Variants in CDC14B observed in about 807,000 individuals in gnomAD.
CDC14B encodes the protein dual specificity protein phosphatase CDC14B.
A neutral mutation model predicts 64.2 loss-of-function variants in CDC14B; 22 were observed. The observed-to-expected ratio is 0.34, with a 90% CI of 0.24 to 0.49. The LOEUF (loss-of-function observed/expected upper bound fraction) is 0.49. Among genes scored for constraint, CDC14B ranks in the 20% least tolerant of loss-of-function variants. CDC14B has a pLI of 0.99. For synonymous variants in CDC14B, 191 were observed against 215.8 expected, an observed-to-expected ratio of 0.89 and a Z score of 1.01; for missense variants, 498 against 629.9, an observed-to-expected ratio of 0.79 and a Z score of 2.24.
At chr9:96,504,378 T>C (rs16911015) in intron 13 of CDC14B, among the ~76,000 whole-genome samples, 2,166 of 151,956 alleles carry the variant, frequency 0.014, 50 homozygotes, top group African/African-American at 0.049. Context: ...CACTTTCAGG[T>C]CAGTAACAAC....
intron 9 of CDC14B, among the ~76,000 whole-genome samples, chr9:96,533,072 T>C (rs1432317980): frequency 6.6e-6 from 1 of 152,168 alleles, no homozygotes; most frequent in African/African-American, 2.4e-5. Flanking sequence ...GTTCAAGTGA[T>C]TTTTGTGCCT....
At position 96,503,151 on chromosome 9, in the gene CDC14B, T is replaced by C. The variant is rs1391036117; in HGVS notation, c.*602A>G. 2.9e-6 allele frequency: 1 copy of C among 345,600 alleles called. No homozygotes were observed. The highest frequency in any genetic ancestry group is 5.2e-6 in the Non-Finnish European group (1 of 193,258). 21.4% of individuals were successfully genotyped at this position (345,600 alleles called of 1,614,324 possible). ...CCTGGTCTTACAACATGCAACAGTG[T>C]TTAAATGTGATTTTCACAGATTCTT... On this transcript the variant is annotated 3_prime_UTR_variant, in exon 14 of 14. Transcript: ENST00000375241.
At chr9:96,508,055 G>A (rs7039412) in intron 13 of CDC14B, among the ~76,000 whole-genome samples, 10,991 of 149,762 alleles carry the variant, frequency 0.073, 1,336 homozygotes, top group African/African-American at 0.25. Flanking sequence ...TCACTCTGTC[G>A]CCCAGGCTGG....
intron 1 of CDC14B, among the ~76,000 whole-genome samples, chr9:96,576,084 T>C (rs1159730190): frequency 6.6e-6 from 1 of 151,814 alleles, no homozygotes; most frequent in Non-Finnish European, 1.5e-5. Context: ...GAGACCAGCC[T>C]GGCCAACATG....
rs1306366284 is a variant in CDC14B at position 96,584,376 on chromosome 9, T to C, written c.161-18893A>G. 2.0e-5 allele frequency among the ~76,000 whole-genome samples: 3 copies of C among 152,144 alleles called. No homozygotes were observed. The East Asian group carries it at 5.8e-4, about 29-fold the overall frequency. The stretch of plus-strand genomic sequence containing the variant: ...ATTGGCTCAGGTCCGTTTCCAGCAG[T>C]ATGGTACAAAGAATTAGATTACATA... On this transcript the variant is annotated intron_variant, in intron 1 of 13. Coordinates refer to ENST00000375241, the MANE Select transcript of CDC14B (RefSeq NM_033331.4).
chr9:96,581,047 T>C (rs911760150), intron 1 of CDC14B, among the ~76,000 whole-genome samples: 1 of 151,978 alleles, frequency 6.6e-6, no homozygotes, highest in African/African-American at 2.4e-5. Context: ...CTGACCAACA[T>C]AGTGAAACCC....
rs117279141 is a variant in CDC14B, at chr9:96,596,884, A to G, written c.160+22335T>C. On this transcript the variant is annotated intron_variant, in intron 1 of 13. Transcript: ENST00000375241. ...TCTTTAAAAAAAAAAAAAAAAGTGT[A>G]AGAGTGAGCTATACAACAACATAAA... Among the ~76,000 whole-genome samples the G allele has an allele frequency of 5.3e-3, 800 of 152,014 alleles. 11 individuals carry two copies. The highest frequency in any genetic ancestry group is 0.031 in the East Asian group (158 of 5,164).
rs1388798799 is a variant in CDC14B, at chr9:96,541,880, A to G, written c.510T>C (p.Tyr170=). 3.1e-6 allele frequency: 5 copies of G among 1,608,460 alleles called. No homozygotes were observed. Among genetic ancestry groups the G allele is most frequent in the Non-Finnish European group, 3.4e-6 (4 of 1,176,264 alleles). ...TSYIPFRDAA[Y]GSCNFYITLL... is the part of the protein sequence containing the mutation. ...GTGTAATGTAGAAATTGCAACTTCC[A>G]TAGGCAGCATCTCTGAAACCCAAGA... is the stretch of plus-strand genomic sequence containing the variant. Residue 170 remains tyrosine (Y), a synonymous_variant, in exon 6 of 14, where the codon TAT becomes TAC. Coordinates refer to ENST00000375241, the MANE Select transcript of CDC14B (RefSeq NM_033331.4).
intron 13 of CDC14B, among the ~76,000 whole-genome samples, chr9:96,506,343 T>C (rs538410883): frequency 1.3e-5 from 2 of 152,324 alleles, no homozygotes; most frequent in East Asian, 1.9e-4. Flanking sequence ...TAGTATGATA[T>C]TATGAATAAT....
chr9:96,494,395 C>T (rs1833164033), intron 13 of CDC14B, among the ~76,000 whole-genome samples: 1 of 152,252 alleles, frequency 6.6e-6, no homozygotes, highest in South Asian at 2.1e-4. Flanking sequence ...GGGTACTGCA[C>T]ACTGCAGCAG....
At chr9:96,541,421 G>T (rs1840049996) in intron 6 of CDC14B, among the ~76,000 whole-genome samples, 1 of 152,228 alleles carries the variant, frequency 6.6e-6, no homozygotes, top group Admixed American at 6.5e-5. Context: ...GTTTGACAGT[G>T]ACTGTGTTAC....
At chr9:96,590,374 T>C (rs528053945) in intron 1 of CDC14B, among the ~76,000 whole-genome samples, 2 of 152,360 alleles carry the variant, frequency 1.3e-5, no homozygotes, top group South Asian at 4.1e-4. Context: ...TACCAGATTT[T>C]CTTTTTCCAT....
At chr9:96,551,110 G>GTTTTTTTTTTTTTTTTTTTT (rs1841741325) in intron 5 of CDC14B, among the ~76,000 whole-genome samples, 12 of 65,954 alleles carry the variant, frequency 1.8e-4, no homozygotes, top group South Asian at 1.9e-3. Context: ...TTTGGGGTTT[G>GTTTTTTTTTTTTTTTTTTTT]CTTTTTTTTT....
downstream of CDC14B, among the ~76,000 whole-genome samples, chr9:96,499,912 G>A (rs546732299): frequency 2.2e-4 from 33 of 152,312 alleles, no homozygotes; most frequent in Admixed American, 5.9e-4. Flanking sequence ...AACCAAGCCC[G>A]CCCACAGCTT....
intron 4 of CDC14B, among the ~76,000 whole-genome samples, chr9:96,554,728 A>C (rs993552899): frequency 2.6e-5 from 4 of 152,194 alleles, no homozygotes; most frequent in Admixed American, 6.5e-5. Flanking sequence ...TATATTTGCC[A>C]ATCTATAACT....
chr9:96,584,276 A>G (rs1305263245), intron 1 of CDC14B, among the ~76,000 whole-genome samples: 1 of 152,190 alleles, frequency 6.6e-6, no homozygotes, highest in African/African-American at 2.4e-5. Context: ...GGAAGCAGCT[A>G]AACTCCATCT....
At chr9:96,496,503 G>A (rs1833247316), downstream of CDC14B, 3 of 397,334 alleles carry the variant, frequency 7.6e-6, no homozygotes, top group South Asian at 5.6e-5. Flanking sequence ...ACTTGGGTTG[G>A]GGCCCAGAAC....
chr9:96,619,520 C>G lies in CDC14B; in HGVS notation c.-142G>C, dbSNP rs1222773732. ...GCGGGGACGGCGGGCGCCGGCAGAG[C>G]CCGGCGGGAGGCGGTCGCGCAGGAG... On this transcript the variant is annotated 5_prime_UTR_variant, in exon 1 of 14. Coordinates refer to ENST00000375241, the MANE Select transcript of CDC14B (RefSeq NM_033331.4). The G allele has an allele frequency of 4.1e-6, 1 of 246,444 alleles. No individual in the cohort carries two copies. The highest frequency in any genetic ancestry group is 6.3e-6 in the Non-Finnish European group (1 of 157,664). 15.3% of individuals were successfully genotyped at this position (246,444 alleles called of 1,614,324 possible).
At chr9:96,565,657 T>A in intron 1 of CDC14B, 174 bp from the exon 2 acceptor site, 2 of 651,100 alleles carry the variant, frequency 3.1e-6, no homozygotes, top group Non-Finnish European at 5.5e-6. Context: ...GTGGGAATAA[T>A]CAATGAGCAC....
Sources: allele counts gnomAD v4.1 joint callset (sites outside exome capture counted in the v4.1 genomes callset), GRCh38; gene constraint gnomAD v4.1.1; transcripts MANE v1.5; gene names NCBI Gene and HGNC (gene_info 2026-07-23, HGNC 2026-07-21).